RBM45: variants seen among roughly 807,000 people sequenced by gnomAD.
The protein encoded by RBM45 is RNA binding motif protein 45, also known as RNA-binding protein 45.
In RBM45, 39 loss-of-function variants were observed where a neutral mutation model predicts 58.5. The observed-to-expected ratio is 0.67, with a 90% CI of 0.52 to 0.87. The LOEUF is 0.87. Ranked by LOEUF, RBM45 falls within the 40% of genes least tolerant of loss-of-function variation. The probability of loss-of-function intolerance (pLI) is 0.00; values close to 1 mark genes in which losing one functional copy is unlikely to be tolerated. For missense variants in RBM45, 481 were observed against 581.6 expected (o/e 0.83, Z 1.78); for synonymous variants, 193 against 203.0 (o/e 0.95, Z 0.42).
intron 9 of RBM45, among the ~76,000 whole-genome samples, chr2:178,127,475 C>G (rs1355054815): frequency 6.6e-6 from 1 of 152,216 alleles, no homozygotes; most frequent in Non-Finnish European, 1.5e-5. Flanking sequence ...GACCCTTCCT[C>G]TCCTAGAACA....
In RBM45 at chr2:178,120,296, C is replaced by A; in HGVS notation, c.560C>A (p.Ala187Glu). 2 of 1,612,356 alleles carry A rather than the reference C, an allele frequency of 1.2e-6. No homozygotes were observed. Among genetic ancestry groups the A allele is most frequent in the Non-Finnish European group, 1.7e-6 (2 of 1,179,372 alleles). Residue 187 changes from alanine to glutamate, a missense_variant, in exon 4 of 10, where the codon GCA becomes GAA. Ala to Glu is a moderately radical substitution (Grantham distance 107). Transcript: ENST00000286070. ...CATGGGGTTTTTTCAGGTTTTAGAGCAATCTTGGCTGAACCTAAAAATAAA... is the reference window on the plus strand; with the variant it reads ...CATGGGGTTTTTTCAGGTTTTAGAGAAATCTTGGCTGAACCTAAAAATAAA... The part of the protein sequence containing the change: ...AIENCDRSFR[A>E]ILAEPKNKAS...
At chr2:178,128,478 C>T (rs1227190476) in intron 9 of RBM45, among the ~76,000 whole-genome samples, 3 of 152,140 alleles carry the variant, frequency 2.0e-5, no homozygotes, top group Non-Finnish European at 4.4e-5. Flanking sequence ...TGATCAGAAA[C>T]TAAAAGTATA....
chr2:178,128,360 A>C (rs1170175807), intron 9 of RBM45, among the ~76,000 whole-genome samples: 1 of 152,182 alleles, frequency 6.6e-6, no homozygotes, highest in African/African-American at 2.4e-5. Flanking sequence ...TGAGTCAACA[A>C]AATGTAAAAT....
intron 2 of RBM45, 94 bp from the exon 3 acceptor site, chr2:178,117,961 A>G (rs111987691): frequency 2.1e-6 from 2 of 947,534 alleles, no homozygotes; most frequent in East Asian, 2.6e-5. Context: ...CTTTGTTTGC[A>G]TGCAAGGGTC....
chr2:178,133,036 T>C (rs2088017534), downstream of RBM45, among the ~76,000 whole-genome samples: 1 of 152,192 alleles, frequency 6.6e-6, no homozygotes, highest in Non-Finnish European at 1.5e-5. Context: ...CTTTGGAATA[T>C]ACTGGCCCAA....
chr2:178,121,209 A>G lies in RBM45; in HGVS notation c.703A>G (p.Lys235Glu). 1 of 1,572,656 alleles carries G rather than the reference A, an allele frequency of 6.4e-7. No individual in the cohort carries two copies. Among genetic ancestry groups the G allele is most frequent in the Admixed American group, 1.9e-5 (1 of 52,450 alleles). The stretch of plus-strand genomic sequence containing the variant: ...ACAATCTGAATTTTCAAGTTTTGAC[A>G]AGAATGATAGCCGAGGCCAGGAAGC... ...EQQSEFSSFD[K>E]NDSRGQEAIS... Residue 235 changes from lysine (K) to glutamate (E), a missense_variant, in exon 5 of 10, where the codon AAG becomes GAG. Physicochemically the swap from Lys to Glu is moderately conservative, Grantham distance 56. Transcript: ENST00000286070.
At chr2:178,122,317 A>G (rs1008567907) in intron 5 of RBM45, among the ~76,000 whole-genome samples, 2 of 152,058 alleles carry the variant, frequency 1.3e-5, no homozygotes, top group African/African-American at 4.8e-5. Context: ...AGGATACCTG[A>G]TTTAGTCCTT....
At chr2:178,131,651 C>A (rs1422659352), downstream of RBM45, among the ~76,000 whole-genome samples, 1 of 152,192 alleles carries the variant, frequency 6.6e-6, no homozygotes, top group East Asian at 1.9e-4. Flanking sequence ...CTAAAGAGAT[C>A]ATATGATACC....
downstream of RBM45, among the ~76,000 whole-genome samples, chr2:178,133,452 C>A (rs569522149): frequency 1.1e-3 from 167 of 152,098 alleles, no homozygotes; most frequent in Non-Finnish European, 1.6e-3. Flanking sequence ...TTATCATTGT[C>A]AAAAAAACTG....
At chr2:178,120,225 C>A in intron 3 of RBM45, 62 bp from the exon 4 acceptor site, 2 of 1,597,850 alleles carry the variant, frequency 1.3e-6, no homozygotes, top group Non-Finnish European at 1.7e-6. Flanking sequence ...CACTAGCAAT[C>A]AAGTATATTT....
downstream of RBM45, among the ~76,000 whole-genome samples, chr2:178,133,098 C>T (rs893214079): frequency 2.6e-5 from 4 of 152,084 alleles, no homozygotes; most frequent in African/African-American, 4.8e-5. Context: ...AGTAAGGCAT[C>T]GAGAAGTTGT....
At chr2:178,121,048 G>T in intron 4 of RBM45, 132 bp from the exon 5 acceptor site, 2 of 452,536 alleles carry the variant, frequency 4.4e-6, no homozygotes, top group African/African-American at 2.0e-5. Flanking sequence ...TAGTTCTGAT[G>T]ACCAGAAGCG....
chr2:178,138,906 T>C (rs762546750), exon 4 of RBM45: 4 of 152,042 alleles, frequency 2.6e-5, no homozygotes, highest in Non-Finnish European at 5.9e-5. Flanking sequence ...TTCTCTTTTG[T>C]AAAGAAATAT....
downstream of RBM45, among the ~76,000 whole-genome samples, chr2:178,130,446 G>A (rs1017318055): frequency 4.6e-5 from 7 of 152,128 alleles, no homozygotes; most frequent in African/African-American, 1.7e-4. Context: ...GATTGCTTGA[G>A]CCTAGGAGAC....
chr2:178,133,093 G>C (rs1024001539), downstream of RBM45, among the ~76,000 whole-genome samples: 1 of 152,152 alleles, frequency 6.6e-6, no homozygotes, highest in Non-Finnish European at 1.5e-5. Context: ...GTAAAAGTAA[G>C]GCATCGAGAA....
intron 6 of RBM45, 34 bp from the exon 7 acceptor site, chr2:178,123,794 T>C (rs1195940283): frequency 1.9e-6 from 3 of 1,608,220 alleles, no homozygotes; most frequent in Non-Finnish European, 1.7e-6. Context: ...TGAATATTTT[T>C]AGTTTTCTGT....
chr2:178,121,154 A>G, intron 4 of RBM45, 26 bp from the exon 5 acceptor site: 1 of 1,241,604 alleles, frequency 8.1e-7, no homozygotes, highest in Non-Finnish European at 1.1e-6. Flanking sequence ...AAATCTAAAG[A>G]TTTACTTTTT....
chr2:178,114,320 G>T (rs993317801), intron 1 of RBM45, among the ~76,000 whole-genome samples: 2 of 152,090 alleles, frequency 1.3e-5, no homozygotes, highest in Non-Finnish European at 2.9e-5. Flanking sequence ...TTTATATTTT[G>T]AGTGTAACAT....
chr2:178,130,583 A>G (rs1485982973), downstream of RBM45, among the ~76,000 whole-genome samples: 1 of 152,178 alleles, frequency 6.6e-6, no homozygotes. Context: ...TGTATTTTGA[A>G]AACTTTAACA....
Sources: gnomAD v4.1 joint callset for allele counts (sites outside exome capture counted in the v4.1 genomes callset) on GRCh38, gnomAD v4.1.1 for gene constraint, MANE v1.5 for transcripts, NCBI Gene and HGNC (gene_info 2026-07-23, HGNC 2026-07-21) for gene names.